Variants in SORCS1 observed in about 807,000 individuals in gnomAD.
SORCS1 encodes the protein sortilin related VPS10 domain containing receptor 1.
A neutral mutation model predicts 146.1 loss-of-function variants in SORCS1; 60 were observed. The ratio of observed to expected loss-of-function variants is 0.41; its 90% CI spans 0.33 to 0.51. The LOEUF is 0.51. SORCS1 is among the 20% of genes least tolerant of loss of function. SORCS1 has a pLI of 0.21. For missense variants in SORCS1, 1,352 were observed against 1,487.6 expected, an observed-to-expected ratio of 0.91 and a Z score of 1.50; for synonymous variants, 637 against 584.0, an observed-to-expected ratio of 1.09 and a Z score of -1.31.
At chr10:107,170,967 A>C in the SORCS1 span, among the ~76,000 whole-genome samples, 1 of 152,222 alleles carries the variant, frequency 6.6e-6, no homozygotes, top group South Asian at 2.1e-4. Context: ...CTAACTGTAC[A>C]TTATCATTTG....
chr10:106,762,488 G>A (rs770506750), intron 4 of SORCS1, among the ~76,000 whole-genome samples: 40 of 146,524 alleles, frequency 2.7e-4, no homozygotes, highest in Non-Finnish European at 4.9e-4. Context: ...TGCCTCCCGG[G>A]TTCACGCCAT....
intron 1 of SORCS1, among the ~76,000 whole-genome samples, chr10:107,146,783 C>G (rs953483379): frequency 7.2e-5 from 11 of 152,036 alleles, no homozygotes; most frequent in Admixed American, 6.6e-5. Context: ...TCTATGTGAC[C>G]TTGGGTGAGT....
chr10:106,810,949 T>C (rs1947426606), intron 3 of SORCS1, among the ~76,000 whole-genome samples: 1 of 151,774 alleles, frequency 6.6e-6, no homozygotes. Context: ...ATTTCTTTTT[T>C]TTTTTTTTTG....
chr10:107,176,430 G>T, the SORCS1 span, among the ~76,000 whole-genome samples: 1 of 151,480 alleles, frequency 6.6e-6, no homozygotes, highest in African/African-American at 2.4e-5. Flanking sequence ...TGACCTTCTG[G>T]ACTCAAGTGA....
intron 6 of SORCS1, among the ~76,000 whole-genome samples, chr10:106,712,461 A>C (rs1331837969): frequency 6.6e-6 from 1 of 152,196 alleles, no homozygotes; most frequent in African/African-American, 2.4e-5. Flanking sequence ...TAACTTTCTC[A>C]AGTTTGAAGA....
intron 14 of SORCS1, 77 bp downstream of exon 14, chr10:106,674,972 A>G: frequency 1.7e-6 from 2 of 1,152,516 alleles, no homozygotes; most frequent in Non-Finnish European, 1.3e-6. Context: ...TGCAAATCAA[A>G]CAGGCTTAGC....
intron 6 of SORCS1, among the ~76,000 whole-genome samples, chr10:106,721,783 C>T (rs537659459): frequency 3.3e-5 from 5 of 152,132 alleles, no homozygotes; most frequent in African/African-American, 1.2e-4. Context: ...AGCTTGAATG[C>T]GGACTAACCA....
At chr10:106,852,462 T>G (rs2137301375) in intron 2 of SORCS1, among the ~76,000 whole-genome samples, 1 of 151,956 alleles carries the variant, frequency 6.6e-6, no homozygotes, top group Non-Finnish European at 1.5e-5. Context: ...ACCCTGTCTC[T>G]ACTAAAAATA....
intron 2 of SORCS1, among the ~76,000 whole-genome samples, chr10:106,921,445 A>T (rs1488374122): frequency 6.6e-6 from 1 of 152,182 alleles, no homozygotes; most frequent in African/African-American, 2.4e-5. Context: ...GATATATCAG[A>T]CTTACAATGT....
At chr10:106,926,866 CAGAG>C (rs370902733) in intron 2 of SORCS1, among the ~76,000 whole-genome samples, 3,854 of 61,306 alleles carry the variant, frequency 0.063, 253 homozygotes, top group East Asian at 0.35. Context: ...CACACACACA[CAGAG>C]AGAGAGAGAG....
chr10:106,941,856 C>A (rs1290323520), intron 2 of SORCS1, among the ~76,000 whole-genome samples: 2 of 152,164 alleles, frequency 1.3e-5, no homozygotes, highest in Non-Finnish European at 2.9e-5. Context: ...ACAGGGACTG[C>A]CGGTTGTGGT....
At chr10:106,981,106 G>A (rs1326929096) in intron 1 of SORCS1, among the ~76,000 whole-genome samples, 1 of 152,116 alleles carries the variant, frequency 6.6e-6, no homozygotes, top group African/African-American at 2.4e-5. Context: ...CTATTTTCCA[G>A]GAGTGTAGTG....
chr10:106,612,333 CT>C (rs1300316884), intron 21 of SORCS1, among the ~76,000 whole-genome samples: 1 of 143,480 alleles, frequency 7.0e-6, no homozygotes, highest in Non-Finnish European at 1.5e-5. Context: ...CAGACTACCC[CT>C]GGCCCCCCTT....
chr10:107,061,425 T>G (rs112824277), intron 1 of SORCS1, among the ~76,000 whole-genome samples: 32 of 152,312 alleles, frequency 2.1e-4, no homozygotes, highest in African/African-American at 7.5e-4. Context: ...CACACTATTT[T>G]GTAGTAAAAG....
intron 1 of SORCS1, among the ~76,000 whole-genome samples, chr10:106,996,242 A>C (rs1387198601): frequency 3.5e-5 from 2 of 57,618 alleles, no homozygotes; most frequent in African/African-American, 6.3e-5. Context: ...AAAAAAAAAA[A>C]AAAAAAATAG....
At chr10:106,895,755 C>T (rs1360606442) in intron 2 of SORCS1, among the ~76,000 whole-genome samples, 2 of 152,106 alleles carry the variant, frequency 1.3e-5, no homozygotes, top group African/African-American at 4.8e-5. Flanking sequence ...AATAGAATTG[C>T]CATTTGATCC....
chr10:106,730,017 C>A (rs964754128), intron 6 of SORCS1, 33 bp downstream of exon 6: 1 of 1,605,282 alleles, frequency 6.2e-7, no homozygotes, highest in Non-Finnish European at 8.5e-7. Flanking sequence ...ACTAATATTA[C>A]TATGAGTATT....
intron 1 of SORCS1, among the ~76,000 whole-genome samples, chr10:107,048,737 A>T (rs1244257212): frequency 6.6e-6 from 1 of 152,140 alleles, no homozygotes; most frequent in South Asian, 2.1e-4. Context: ...TTTTGGATGG[A>T]GTAGAAAAGC....
At chr10:107,020,941 T>C (rs1958099429) in intron 1 of SORCS1, among the ~76,000 whole-genome samples, 1 of 152,184 alleles carries the variant, frequency 6.6e-6, no homozygotes, top group Non-Finnish European at 1.5e-5. Context: ...AGCATTCATT[T>C]GGGTAATTAA....
Sources: gnomAD v4.1 joint callset for allele counts (sites outside exome capture counted in the v4.1 genomes callset) on GRCh38, gnomAD v4.1.1 for gene constraint, MANE v1.5 for transcripts, NCBI Gene and HGNC (gene_info 2026-07-23, HGNC 2026-07-21) for gene names.